The following NBEA variants were observed in gnomAD, a reference collection of about 807,000 sequenced individuals.
NBEA encodes lysosomal-trafficking regulator 2.
In NBEA, 44 loss-of-function variants were observed where a neutral mutation model predicts 343.4. The ratio of observed to expected loss-of-function variants is 0.13; its 90% confidence interval spans 0.10 to 0.16. The LOEUF is 0.16. NBEA is among the 10% of genes least tolerant of loss of function. The pLI, the probability that NBEA is intolerant of heterozygous loss-of-function variation, is 1.00. For synonymous variants in NBEA, 1,175 were observed against 1,238.7 expected (o/e 0.95, Z 1.08); for missense variants, 2,555 against 3,631.3 (o/e 0.70, Z 7.62).
At chr13:35,476,415 C>A in intron 41 of NBEA, 1 of 966,402 alleles carries the variant, frequency 1.0e-6, no homozygotes, top group South Asian at 1.4e-5. Flanking sequence ...GTCCTCCCCC[C>A]TCTGCTTGTC....
At chr13:35,400,222 A>G (rs2042937690) in intron 38 of NBEA, among the ~76,000 whole-genome samples, 2 of 126,048 alleles carry the variant, frequency 1.6e-5, no homozygotes, top group African/African-American at 5.6e-5. Context: ...AAAAAAAAAA[A>G]AAGTATCTGT....
chr13:34,943,960 G>A (rs1302832617), intron 1 of NBEA, among the ~76,000 whole-genome samples: 1 of 152,238 alleles, frequency 6.6e-6, no homozygotes, highest in East Asian at 1.9e-4. Flanking sequence ...GAGAGGCTCA[G>A]AAGCGTTTAA....
chr13:35,445,744 T>C (rs1246370648), intron 39 of NBEA, among the ~76,000 whole-genome samples: 1 of 141,354 alleles, frequency 7.1e-6, no homozygotes, highest in Non-Finnish European at 1.5e-5. Context: ...AATTGAACAA[T>C]GATAAGATAT....
At position 35,088,542 on chromosome 13, in the gene NBEA, A is replaced by G. The variant is rs2064893723; in HGVS notation, c.1572-9755A>G. Among the ~76,000 whole-genome samples the G allele has an allele frequency of 2.0e-5, 3 of 152,056 alleles. No homozygotes were observed. In the South Asian group the frequency reaches 6.2e-4, roughly 32 times the overall value. On this transcript the variant is annotated intron_variant, in intron 10 of 58. Transcript: ENST00000379939. The stretch of plus-strand genomic sequence containing the variant: ...ATGTTTTTAGTAGAACTTAGTAAAA[A>G]TTTGGCTTTTCCAGTGTATTCTGGG...
intron 35 of NBEA, among the ~76,000 whole-genome samples, chr13:35,308,874 A>G (rs993615058): frequency 1.3e-5 from 2 of 151,456 alleles, no homozygotes; most frequent in African/African-American, 4.8e-5. Context: ...CATAATGATG[A>G]GCCTTACCTT....
At chr13:35,054,812 T>C (rs952683296) in intron 6 of NBEA, among the ~76,000 whole-genome samples, 2 of 151,870 alleles carry the variant, frequency 1.3e-5, no homozygotes, top group African/African-American at 4.8e-5. Flanking sequence ...CCTGGCTAAT[T>C]TTTGTATTTT....
chr13:35,168,867 A>T (rs2070244467), intron 24 of NBEA, 120 bp from the exon 25 acceptor site: 1 of 642,812 alleles, frequency 1.6e-6, no homozygotes, highest in Admixed American at 4.0e-5. Flanking sequence ...AAATAATCAA[A>T]TATAATTTTT....
At chr13:35,332,342 A>G (rs1361203798) in intron 36 of NBEA, among the ~76,000 whole-genome samples, 2 of 152,098 alleles carry the variant, frequency 1.3e-5, no homozygotes, top group African/African-American at 2.4e-5. Flanking sequence ...AATGGCATAT[A>G]TAAAGGCCCT....
intron 17 of NBEA, among the ~76,000 whole-genome samples, chr13:35,127,388 T>C (rs1195152468): frequency 1.3e-5 from 2 of 152,216 alleles, no homozygotes; most frequent in African/African-American, 2.4e-5. Flanking sequence ...AAACTATTGC[T>C]AAGGACCGCT....
chr13:35,007,096 C>G (rs1013867194), intron 1 of NBEA, among the ~76,000 whole-genome samples: 2 of 149,918 alleles, frequency 1.3e-5, no homozygotes, highest in Non-Finnish European at 3.0e-5. Flanking sequence ...TTTTTTTGTA[C>G]TAGTGAAATG....
rs1367792545 is a variant in NBEA, at chr13:35,232,571, C to T, written c.5728C>T (p.Leu1910=). The T allele has an allele frequency of 1.3e-6, 2 of 1,557,150 alleles. No homozygotes were observed. The highest frequency in any genetic ancestry group is 1.7e-6 in the Non-Finnish European group (2 of 1,147,794). The change falls in exon 34 of 59, where the codon CTA becomes TTA. Residue 1910 remains leucine (L), a synonymous_variant. Coordinates refer to ENST00000379939, the MANE Select transcript of NBEA (RefSeq NM_001385012.1). ...AATTTTTGTAGACTTTGCCCCATTC[C>T]TATCTCGTACACTTCTTGGCAGTCA... ...REIFVDFAPF[L]SRTLLGSHGQ...
intron 1 of NBEA, among the ~76,000 whole-genome samples, chr13:34,958,875 T>C (rs1336433818): frequency 6.6e-6 from 1 of 152,178 alleles, no homozygotes; most frequent in East Asian, 1.9e-4. Flanking sequence ...AGTTCAGTAT[T>C]CTAAGATCAG....
At chr13:35,009,628 A>G (rs1421823529) in intron 1 of NBEA, among the ~76,000 whole-genome samples, 2 of 152,144 alleles carry the variant, frequency 1.3e-5, no homozygotes, top group African/African-American at 2.4e-5. Flanking sequence ...TTATTAGAAC[A>G]GAGTTGGGAA....
intron 1 of NBEA, among the ~76,000 whole-genome samples, chr13:34,994,369 A>G (rs1219364594): frequency 6.6e-6 from 1 of 152,148 alleles, no homozygotes; most frequent in Non-Finnish European, 1.5e-5. Flanking sequence ...AAATTAAAAT[A>G]TAGCTTTAAA....
chr13:35,655,859 T>G, intron 55 of NBEA, 110 bp downstream of exon 55: 1 of 1,137,086 alleles, frequency 8.8e-7, no homozygotes. Flanking sequence ...TTTTAAAATA[T>G]GAAAGCTTAA....
At chr13:34,998,814 C>G (rs528837683) in intron 1 of NBEA, among the ~76,000 whole-genome samples, 55 of 152,184 alleles carry the variant, frequency 3.6e-4, no homozygotes, top group South Asian at 6.2e-4. Context: ...CCTGAGGCGA[C>G]ATACATCCTC....
chr13:35,060,809 A>G (rs577482135), intron 8 of NBEA, among the ~76,000 whole-genome samples: 5 of 151,792 alleles, frequency 3.3e-5, no homozygotes, highest in East Asian at 1.9e-4. Flanking sequence ...TTCACACATT[A>G]TAGTCACAAT....
At chr13:35,262,686 C>T (rs563539518) in intron 34 of NBEA, among the ~76,000 whole-genome samples, 2 of 152,258 alleles carry the variant, frequency 1.3e-5, no homozygotes, top group South Asian at 2.1e-4. Context: ...GAGGTTAAGA[C>T]TTCCAAGGAT....
chr13:35,338,908 A>G (rs2039424097), intron 36 of NBEA, among the ~76,000 whole-genome samples: 1 of 152,144 alleles, frequency 6.6e-6, no homozygotes, highest in African/African-American at 2.4e-5. Context: ...ACATGATCAC[A>G]TCTTAATAGA....
Sources: allele counts gnomAD v4.1 joint callset (sites outside exome capture counted in the v4.1 genomes callset), GRCh38; gene constraint gnomAD v4.1.1; transcripts MANE v1.5; gene names NCBI Gene and HGNC (gene_info 2026-07-23, HGNC 2026-07-21).